CFAP61: variants seen among roughly 807,000 people sequenced by gnomAD.
CFAP61 encodes cilia- and flagella-associated protein 61.
CFAP61 carries 107 observed loss-of-function variants against 135.6 expected under a neutral mutation model. The observed-to-expected ratio is 0.79, with a 90% CI of 0.67 to 0.93. The LOEUF is 0.93. CFAP61 is among the 40% of genes least tolerant of loss of function. CFAP61 has a pLI of 0.00. For synonymous variants in CFAP61, 575 were observed against 578.5 expected (o/e 0.99, Z 0.09); for missense variants, 1,507 against 1,556.2 (o/e 0.97, Z 0.53).
intron 25 of CFAP61, among the ~76,000 whole-genome samples, chr20:20,338,742 G>A (rs1165999247): frequency 2.6e-5 from 4 of 152,204 alleles, no homozygotes; most frequent in African/African-American, 7.2e-5. Flanking sequence ...AGCCTTCAGC[G>A]TGTCTAATGG....
chr20:20,269,146 TACACACACACACACACACATAC>T (rs2053084057), intron 21 of CFAP61, among the ~76,000 whole-genome samples: 1 of 85,596 alleles, frequency 1.2e-5, no homozygotes, highest in South Asian at 4.3e-4. Flanking sequence ...TATATATATA[TACACACACACACACACACATAC>T]ATATATGTAT....
At chr20:20,158,220 A>G (rs190887978) in intron 9 of CFAP61, among the ~76,000 whole-genome samples, 93 of 152,120 alleles carry the variant, frequency 6.1e-4, no homozygotes, top group African/African-American at 2.1e-3. Context: ...GTGCACATGT[A>G]CCCTAAAACT....
intron 1 of CFAP61, chr20:20,055,890 G>C: frequency 3.1e-6 from 4 of 1,306,904 alleles, no homozygotes; most frequent in Non-Finnish European, 4.4e-6. Flanking sequence ...AAAGAGAGAA[G>C]AGAGACTTAC....
intron 25 of CFAP61, among the ~76,000 whole-genome samples, chr20:20,320,751 C>T (rs1392464042): frequency 6.7e-6 from 1 of 150,346 alleles, no homozygotes; most frequent in African/African-American, 2.4e-5. Context: ...TTAAAATTCT[C>T]ATAATAAGGA....
intron 2 of CFAP61, among the ~76,000 whole-genome samples, chr20:20,058,306 A>G (rs994891511): frequency 6.6e-6 from 1 of 152,228 alleles, no homozygotes; most frequent in Non-Finnish European, 1.5e-5. Context: ...AAAGATGTCC[A>G]TTGGATGGAA....
At chr20:20,143,229 A>G (rs1232758147) in intron 9 of CFAP61, among the ~76,000 whole-genome samples, 1 of 152,212 alleles carries the variant, frequency 6.6e-6, no homozygotes, top group Admixed American at 6.5e-5. Context: ...AGGCTGAGAC[A>G]GATAAAACTG....
intron 18 of CFAP61, among the ~76,000 whole-genome samples, chr20:20,241,794 TA>T (rs1302459899): frequency 6.6e-6 from 1 of 152,178 alleles, no homozygotes; most frequent in Admixed American, 6.5e-5. Context: ...ACATTATTAT[TA>T]TTATTATTAG....
intron 22 of CFAP61, among the ~76,000 whole-genome samples, chr20:20,282,465 CAT>C (rs1304414649): frequency 6.6e-6 from 1 of 152,150 alleles, no homozygotes; most frequent in African/African-American, 2.4e-5. Context: ...CCCATAAACT[CAT>C]ATGTTAACTT....
At chr20:20,239,834 G>A (rs1005239715) in intron 18 of CFAP61, among the ~76,000 whole-genome samples, 1 of 152,166 alleles carries the variant, frequency 6.6e-6, no homozygotes, top group African/African-American at 2.4e-5. Flanking sequence ...CAGTAGCTGT[G>A]TGGAAGATGG....
At chr20:20,329,971 A>T (rs2057921740) in intron 25 of CFAP61, among the ~76,000 whole-genome samples, 1 of 152,118 alleles carries the variant, frequency 6.6e-6, no homozygotes, top group African/African-American at 2.4e-5. Flanking sequence ...CTGTCAGAGC[A>T]CCTCTGGATG....
At chr20:20,314,531 TTTA>T (rs1406410693) in intron 25 of CFAP61, among the ~76,000 whole-genome samples, 4 of 143,334 alleles carry the variant, frequency 2.8e-5, no homozygotes, top group African/African-American at 1.1e-4. Flanking sequence ...ATTATTATTA[TTTA>T]TTTTTTTTAT....
At chr20:20,082,443 T>G (rs1262138243) in intron 6 of CFAP61, among the ~76,000 whole-genome samples, 2 of 152,208 alleles carry the variant, frequency 1.3e-5, no homozygotes, top group Non-Finnish European at 2.9e-5. Context: ...TTTCATACTA[T>G]CTGAAATAAA....
chr20:20,307,940 A>G (rs1363838316), intron 25 of CFAP61, among the ~76,000 whole-genome samples: 2 of 152,238 alleles, frequency 1.3e-5, no homozygotes, highest in Non-Finnish European at 1.5e-5. Flanking sequence ...TACATTCTTA[A>G]TATCATTTAA....
intron 17 of CFAP61, among the ~76,000 whole-genome samples, chr20:20,216,774 CA>C (rs1431471239): frequency 6.7e-6 from 1 of 149,804 alleles, no homozygotes; most frequent in Non-Finnish European, 1.5e-5. Flanking sequence ...AGAAGAAAAA[CA>C]GTGGAAATTT....
intron 26 of CFAP61, among the ~76,000 whole-genome samples, chr20:20,358,050 T>TAGTGTGAGGGGAGGTGGTCAC (rs2059321204): frequency 8.6e-6 from 1 of 115,854 alleles, no homozygotes; most frequent in African/African-American, 3.4e-5. Flanking sequence ...GAGGTGGTCA[T>TAGTGTGAGGGGAGGTGGTCAC]AGTGTGAGGG....
intron 8 of CFAP61, among the ~76,000 whole-genome samples, chr20:20,124,558 A>G (rs888532483): frequency 1.3e-5 from 2 of 151,744 alleles, no homozygotes; most frequent in Non-Finnish European, 2.9e-5. Flanking sequence ...CTTGCATATG[A>G]TAAGCCATCC....
chr20:20,069,344 G>A (rs977986261), intron 2 of CFAP61, among the ~76,000 whole-genome samples: 4 of 152,072 alleles, frequency 2.6e-5, no homozygotes, highest in African/African-American at 4.8e-5. Context: ...ACAGTGGTGC[G>A]ATCTCGGCTC....
intron 15 of CFAP61, among the ~76,000 whole-genome samples, chr20:20,191,705 A>T (rs943345772): frequency 6.6e-6 from 1 of 151,530 alleles, no homozygotes; most frequent in Admixed American, 6.6e-5. Context: ...TATATTCCAT[A>T]TATTAATATG....
At chr20:20,345,516 A>AG (rs1268513307) in intron 26 of CFAP61, among the ~76,000 whole-genome samples, 1 of 152,236 alleles carries the variant, frequency 6.6e-6, no homozygotes, top group Non-Finnish European at 1.5e-5. Flanking sequence ...CATATCCTAG[A>AG]GCTTGGTATA....
Sources: gnomAD v4.1 joint callset for allele counts (sites outside exome capture counted in the v4.1 genomes callset) on GRCh38, gnomAD v4.1.1 for gene constraint, MANE v1.5 for transcripts, NCBI Gene and HGNC (gene_info 2026-07-23, HGNC 2026-07-21) for gene names.